Variants in SCAI observed in about 807,000 individuals in gnomAD.
SCAI encodes protein SCAI.
SCAI carries 24 observed loss-of-function variants against 92.2 expected under a neutral mutation model. The ratio of observed to expected loss-of-function variants is 0.26; its 90% CI spans 0.19 to 0.37. The LOEUF (loss-of-function observed/expected upper bound fraction) is 0.37. SCAI is among the 10% of genes least tolerant of loss of function. The pLI is 1.00. For missense variants in SCAI, 450 were observed against 736.2 expected (o/e 0.61, Z 4.50); for synonymous variants, 261 against 258.6 (o/e 1.01, Z -0.09).
chr9:125,073,091 A>ATT (rs1834009543), intron 2 of SCAI, among the ~76,000 whole-genome samples: 1 of 99,966 alleles, frequency 1.0e-5, no homozygotes, highest in African/African-American at 3.8e-5. Context: ...TTCTATTTTT[A>ATT]ATTTTTTTTT....
intron 14 of SCAI, among the ~76,000 whole-genome samples, chr9:124,979,563 CTA>C (rs1391530281): frequency 1.3e-5 from 2 of 151,998 alleles, no homozygotes; most frequent in Non-Finnish European, 2.9e-5. Context: ...AAAAAAAAGA[CTA>C]TTTGTTTTAG....
At chr9:124,998,753 G>GT in intron 13 of SCAI, among the ~76,000 whole-genome samples, 1 of 152,052 alleles carries the variant, frequency 6.6e-6, no homozygotes, top group East Asian at 1.9e-4. Flanking sequence ...TCCTGAGTAG[G>GT]TAGGACCACA....
At chr9:124,995,550 T>C (rs1333122253) in intron 13 of SCAI, among the ~76,000 whole-genome samples, 1 of 152,032 alleles carries the variant, frequency 6.6e-6, no homozygotes, top group Non-Finnish European at 1.5e-5. Context: ...AGTGGTGTTG[T>C]GCAATCGCAG....
chr9:125,064,368 T>C (rs1833836725), intron 2 of SCAI, among the ~76,000 whole-genome samples: 1 of 152,042 alleles, frequency 6.6e-6, no homozygotes, highest in African/African-American at 2.4e-5. Flanking sequence ...GGTGCCGTGG[T>C]TCAAATAAAT....
intron 2 of SCAI, among the ~76,000 whole-genome samples, chr9:125,077,433 A>G (rs1834113491): frequency 6.6e-6 from 1 of 152,214 alleles, no homozygotes; most frequent in Admixed American, 6.5e-5. Flanking sequence ...GATTTTGTAT[A>G]GACATGTTTT....
intron 2 of SCAI, among the ~76,000 whole-genome samples, chr9:125,132,946 CA>C (rs765666531): frequency 1.9e-4 from 28 of 150,548 alleles, no homozygotes; most frequent in Non-Finnish European, 3.6e-4. Context: ...GCCTGGGCAA[CA>C]GAGTGAGACT....
intron 10 of SCAI, 44 bp from the exon 11 acceptor site, chr9:125,003,259 G>T: frequency 7.0e-7 from 1 of 1,435,758 alleles, no homozygotes; most frequent in South Asian, 1.1e-5. Context: ...AGCTGCATTT[G>T]ACAAATGAAT....
At chr9:124,982,096 A>G (rs555384793) in intron 14 of SCAI, among the ~76,000 whole-genome samples, 24 of 152,244 alleles carry the variant, frequency 1.6e-4, no homozygotes, top group African/African-American at 5.8e-4. Context: ...CATGTGTGCT[A>G]ATTTTGTCTG....
chr9:125,038,854 G>A lies in SCAI; in HGVS notation c.231-9115C>T, dbSNP rs535848866. Reference sequence around the variant, plus strand: ...ATGTGAATTTTAATCCTGCTACTGCGTTTTTGCTTTCCTGAACATCTTTCT... The same window carrying A: ...ATGTGAATTTTAATCCTGCTACTGCATTTTTGCTTTCCTGAACATCTTTCT... On this transcript the variant is annotated intron_variant, in intron 3 of 17. Coordinates refer to ENST00000336505, the MANE Select transcript of SCAI (RefSeq NM_001144877.3). Among the ~76,000 whole-genome samples, 205 of 152,252 alleles carry A rather than the reference G, an allele frequency of 1.3e-3. 1 individual carries two copies. Among genetic ancestry groups the A allele is most frequent in the Non-Finnish European group, 1.6e-3 (111 of 68,004 alleles).
intron 9 of SCAI, among the ~76,000 whole-genome samples, chr9:125,012,420 C>G (rs1472901151): frequency 6.6e-6 from 1 of 152,100 alleles, no homozygotes; most frequent in Non-Finnish European, 1.5e-5. Context: ...CAACAAAGAT[C>G]AAAAGAGATA....
chr9:125,067,587 A>C (rs1564400046), intron 2 of SCAI, among the ~76,000 whole-genome samples: 1 of 152,182 alleles, frequency 6.6e-6, no homozygotes, highest in Non-Finnish European at 1.5e-5. Context: ...CTAAGAAGGA[A>C]CCAATTCTGC....
chr9:125,077,710 CATTTATTT>C (rs112822474), intron 2 of SCAI, among the ~76,000 whole-genome samples: 2,008 of 151,358 alleles, frequency 0.013, 35 homozygotes, highest in African/African-American at 0.044. Context: ...AGATACTTGA[CATTTATTT>C]ATTTATTTAT....
chr9:125,060,567 T>C (rs531026271), intron 2 of SCAI, among the ~76,000 whole-genome samples: 1 of 152,346 alleles, frequency 6.6e-6, no homozygotes, highest in African/African-American at 2.4e-5. Flanking sequence ...TTCCCATGTG[T>C]TGTGGGAGGG....
At chr9:125,070,761 T>C (rs2131161786) in intron 2 of SCAI, among the ~76,000 whole-genome samples, 1 of 152,324 alleles carries the variant, frequency 6.6e-6, no homozygotes, top group East Asian at 1.9e-4. Context: ...CCAGGCATGG[T>C]GGCTCACACC....
chr9:124,972,678 C>T lies in SCAI; in HGVS notation c.1400-834G>A, dbSNP rs568907697. On this transcript the variant is annotated intron_variant, in intron 15 of 17. Coordinates refer to ENST00000336505, the MANE Select transcript of SCAI (RefSeq NM_001144877.3). ...GTCAACAACTCAAAGCAAATTATTT[C>T]CCCTTTTGTTCTCTACAAATATGCT... Among the ~76,000 whole-genome samples, 30 of 152,286 alleles carry T rather than the reference C, an allele frequency of 2.0e-4. No homozygotes were observed. In the South Asian group the frequency reaches 3.7e-3, roughly 19 times the overall value.
At chr9:125,056,634 T>C (rs1424562653) in intron 2 of SCAI, among the ~76,000 whole-genome samples, 2 of 152,210 alleles carry the variant, frequency 1.3e-5, no homozygotes, top group Non-Finnish European at 2.9e-5. Context: ...AATCTAAAAA[T>C]ATTGATTTAT....
At chr9:125,128,492 G>A (rs995380243) in intron 2 of SCAI, among the ~76,000 whole-genome samples, 33 of 152,086 alleles carry the variant, frequency 2.2e-4, no homozygotes, top group Non-Finnish European at 4.6e-4. Context: ...TGTGGCTCAC[G>A]CCTGTAATCC....
chr9:125,064,222 G>T (rs954779748), intron 2 of SCAI, among the ~76,000 whole-genome samples: 1 of 151,978 alleles, frequency 6.6e-6, no homozygotes, highest in East Asian at 1.9e-4. Context: ...AAAGACTAAC[G>T]ATAGTAGGAT....
rs921807523 is a variant in SCAI, at chr9:124,947,919, T to G, written c.*4888A>C. 1.1e-4 allele frequency: 17 copies of G among 152,192 alleles called. No individual in the cohort carries two copies. Among genetic ancestry groups the G allele is most frequent in the African/African-American group, 4.1e-4 (17 of 41,452 alleles). The allele number at this position is 152,192 out of a possible 1,614,324, so 9.4% of individuals were successfully genotyped here. A position where few individuals can be genotyped will look rare whatever the true frequency, so the allele number is the denominator to read the frequency against. On this transcript the variant is annotated 3_prime_UTR_variant, in exon 18 of 18. Coordinates refer to ENST00000336505, the MANE Select transcript of SCAI (RefSeq NM_001144877.3). Reference sequence around the variant, plus strand: ...GGCCAAATTAGCAGACCTTGGTACCTGACTATATTTCCAGTCCAGAGTGTT... The same window carrying G: ...GGCCAAATTAGCAGACCTTGGTACCGGACTATATTTCCAGTCCAGAGTGTT...
Sources: gnomAD v4.1 joint callset for allele counts (sites outside exome capture counted in the v4.1 genomes callset) on GRCh38, gnomAD v4.1.1 for gene constraint, MANE v1.5 for transcripts, NCBI Gene and HGNC (gene_info 2026-07-23, HGNC 2026-07-21) for gene names.